C1QTNF3: variants seen among roughly 807,000 people sequenced by gnomAD.
C1QTNF3 encodes the protein complement C1q tumor necrosis factor-related protein 3.
C1QTNF3 carries 26 observed loss-of-function variants against 32.6 expected under a neutral mutation model. That is an observed-to-expected ratio of 0.80 (90% confidence interval 0.58 to 1.11). The LOEUF (loss-of-function observed/expected upper bound fraction) is 1.11. Among genes scored for constraint, C1QTNF3 ranks in the 50% least tolerant of loss-of-function variants. The probability of loss-of-function intolerance (pLI) is 0.00; values close to 1 mark genes in which losing one functional copy is unlikely to be tolerated. For synonymous variants in C1QTNF3, 155 were observed against 146.0 expected (o/e 1.06, Z -0.44); for missense variants, 362 against 398.2 (o/e 0.91, Z 0.77).
chr5:34,077,158 T>A, the C1QTNF3 span, among the ~76,000 whole-genome samples: 5 of 151,714 alleles, frequency 3.3e-5, no homozygotes, highest in African/African-American at 1.2e-4. Flanking sequence ...AAAGAAGAAA[T>A]ATTTTTCTTT....
chr5:34,043,832 A>C (rs149034754), upstream of C1QTNF3: 33 of 152,380 alleles, frequency 2.2e-4, no homozygotes, highest in African/African-American at 7.7e-4. Context: ...AAAAGCCAAA[A>C]TTAAATCAAA....
the C1QTNF3 span, among the ~76,000 whole-genome samples, chr5:34,055,256 AT>A: frequency 1.3e-5 from 2 of 152,276 alleles, no homozygotes; most frequent in African/African-American, 4.8e-5. Context: ...CAATTATCTG[AT>A]TGGCTAATTC....
At chr5:34,213,986 A>G in the C1QTNF3 span, among the ~76,000 whole-genome samples, 2 of 148,240 alleles carry the variant, frequency 1.3e-5, no homozygotes, top group African/African-American at 5.0e-5. Flanking sequence ...ATATCTTTGT[A>G]TTTTTAGTAG....
chr5:34,050,271 C>G, the C1QTNF3 span, among the ~76,000 whole-genome samples: 9 of 152,188 alleles, frequency 5.9e-5, no homozygotes, highest in African/African-American at 2.2e-4. Flanking sequence ...GCTCATCAAT[C>G]CTTCTCATGT....
upstream of C1QTNF3, among the ~76,000 whole-genome samples, chr5:34,044,185 A>G (rs1332108889): frequency 6.6e-6 from 1 of 152,236 alleles, no homozygotes; most frequent in Non-Finnish European, 1.5e-5. Flanking sequence ...TTTAGTTGCT[A>G]TACTTTTATT....
At chr5:34,171,822 T>A in the C1QTNF3 span, among the ~76,000 whole-genome samples, 1 of 152,236 alleles carries the variant, frequency 6.6e-6, no homozygotes, top group African/African-American at 2.4e-5. Flanking sequence ...ACATGATTGA[T>A]AACATTTGTA....
the C1QTNF3 span, among the ~76,000 whole-genome samples, chr5:34,156,763 T>C: frequency 7.2e-5 from 11 of 152,150 alleles, no homozygotes; most frequent in African/African-American, 1.2e-4. Context: ...ATAAAACTCA[T>C]TGTGGAAGAA....
the C1QTNF3 span, among the ~76,000 whole-genome samples, chr5:34,243,763 T>C: frequency 6.6e-6 from 1 of 151,298 alleles, no homozygotes; most frequent in Non-Finnish European, 1.5e-5. Context: ...ACCTAAACAT[T>C]GAGCACACAG....
the C1QTNF3 span, among the ~76,000 whole-genome samples, chr5:34,159,654 A>C: frequency 6.6e-6 from 1 of 152,052 alleles, no homozygotes; most frequent in East Asian, 1.9e-4. Flanking sequence ...ATTTTATTAG[A>C]TAGTTCTTTA....
chr5:34,225,704 C>T, the C1QTNF3 span, among the ~76,000 whole-genome samples: 1 of 151,778 alleles, frequency 6.6e-6, no homozygotes, highest in South Asian at 2.1e-4. Context: ...AAACCTTGGT[C>T]TTGGGTCTTC....
the C1QTNF3 span, among the ~76,000 whole-genome samples, chr5:34,117,897 CAATA>C: frequency 6.8e-3 from 1,028 of 151,984 alleles, 9 homozygotes; most frequent in African/African-American, 0.023. Flanking sequence ...GCTGATGGCT[CAATA>C]AATACAAATA....
upstream of C1QTNF3, among the ~76,000 whole-genome samples, chr5:34,044,727 T>C (rs745636909): frequency 6.6e-6 from 1 of 152,124 alleles, no homozygotes; most frequent in Non-Finnish European, 1.5e-5. Context: ...TTCAGGGGCC[T>C]TGGGAGTCAT....
chr5:34,074,980 G>A, the C1QTNF3 span, among the ~76,000 whole-genome samples: 1 of 151,702 alleles, frequency 6.6e-6, no homozygotes, highest in Non-Finnish European at 1.5e-5. Flanking sequence ...TATTATTCAT[G>A]TAATTGTTTG....
At chr5:34,211,358 G>A in the C1QTNF3 span, among the ~76,000 whole-genome samples, 1 of 151,986 alleles carries the variant, frequency 6.6e-6, no homozygotes, top group Non-Finnish European at 1.5e-5. Context: ...TATTTTGCAT[G>A]AGGTGCCACT....
chr5:34,226,161 A>G, the C1QTNF3 span, among the ~76,000 whole-genome samples: 1 of 151,986 alleles, frequency 6.6e-6, no homozygotes, highest in Non-Finnish European at 1.5e-5. Context: ...TCTATGTATA[A>G]ACTATCTTTA....
chr5:34,188,392 C>G, the C1QTNF3 span, among the ~76,000 whole-genome samples: 6 of 152,274 alleles, frequency 3.9e-5, no homozygotes, highest in South Asian at 1.1e-3. Flanking sequence ...GATCCACTGA[C>G]AGCTTGCACT....
chr5:34,128,271 T>C, the C1QTNF3 span, among the ~76,000 whole-genome samples: 58 of 152,124 alleles, frequency 3.8e-4, no homozygotes, highest in Non-Finnish European at 5.7e-4. Flanking sequence ...AGATAATATA[T>C]GGAAGTGCCT....
the C1QTNF3 span, among the ~76,000 whole-genome samples, chr5:34,077,828 A>G: frequency 2.6e-5 from 4 of 151,480 alleles, no homozygotes; most frequent in African/African-American, 9.8e-5. Flanking sequence ...CCACCTCAAG[A>G]GCAGAGGGCT....
the C1QTNF3 span, among the ~76,000 whole-genome samples, chr5:34,131,289 G>T: frequency 1.3e-5 from 2 of 151,528 alleles, no homozygotes; most frequent in Non-Finnish European, 2.9e-5. Flanking sequence ...TATAGTGTGT[G>T]ACAGATATGT....
Sources: allele counts gnomAD v4.1 joint callset (sites outside exome capture counted in the v4.1 genomes callset), GRCh38; gene constraint gnomAD v4.1.1; transcripts MANE v1.5; gene names NCBI Gene and HGNC (gene_info 2026-07-23, HGNC 2026-07-21).